The following NAP1L1 variants were observed in gnomAD, a reference collection of about 807,000 sequenced individuals.
NAP1L1 encodes the protein nucleosome assembly protein 1-like 1.
NAP1L1 carries 9 observed loss-of-function variants against 58.9 expected under a neutral mutation model. The ratio of observed to expected loss-of-function variants is 0.15; its 90% confidence interval spans 0.09 to 0.27. The LOEUF is 0.27. Among genes scored for constraint, NAP1L1 ranks in the 10% least tolerant of loss-of-function variants. NAP1L1 has a pLI of 1.00. For missense variants in NAP1L1, 302 were observed against 458.8 expected (o/e 0.66, Z 3.12); for synonymous variants, 130 against 138.3 (o/e 0.94, Z 0.42).
In NAP1L1 at chr12:76,078,662, T is replaced by C. The variant is rs73133159; in HGVS notation, c.-20-4423A>G. Among the ~76,000 whole-genome samples the C allele has an allele frequency of 9.6e-3, 1,463 of 152,184 alleles. 13 individuals carry two copies. Among genetic ancestry groups the C allele is most frequent in the Non-Finnish European group, 0.015 (1,010 of 67,996 alleles). On this transcript the variant is annotated intron_variant, in intron 1 of 14. Transcript: ENST00000618691. ...AAACTAGAACTTCTAGAAATAAAAC[T>C]AATGAATCAAACTAAATGGGCTGGC... is the stretch of plus-strand genomic sequence containing the variant.
chr12:76,049,241 C>T lies in NAP1L1; in HGVS notation c.1099G>A (p.Glu367Lys). The change falls in exon 14 of 15, where the codon GAA becomes AAA. Residue 367 changes from glutamate (E) to lysine (K), a missense_variant. Coordinates refer to ENST00000618691, the MANE Select transcript of NAP1L1 (RefSeq NM_004537.7). The part of the protein sequence containing the change: ...EGEEADEEGE[E>K]EGDEENDPDY... ...GGATCATTTTCCTCATCTCCTTCTTCTTCCCCTTCCTATATTAAAGTTCAA... is the reference window on the plus strand; with the variant it reads ...GGATCATTTTCCTCATCTCCTTCTTTTTCCCCTTCCTATATTAAAGTTCAA... 1 of 1,613,574 alleles carries T rather than the reference C, an allele frequency of 6.2e-7. No homozygotes were observed. The highest frequency in any genetic ancestry group is 8.5e-7 in the Non-Finnish European group (1 of 1,179,744).
At chr12:76,052,648 T>C (rs1487775416) in intron 11 of NAP1L1, among the ~76,000 whole-genome samples, 2 of 152,248 alleles carry the variant, frequency 1.3e-5, no homozygotes, top group Non-Finnish European at 2.9e-5. Flanking sequence ...GTTCAGTCTA[T>C]ATGGCAGGAA....
In NAP1L1 at chr12:76,048,163, C is replaced by G; in HGVS notation, c.*266G>C. The G allele has an allele frequency of 2.4e-6, 1 of 417,448 alleles. No individual in the cohort carries two copies. Among genetic ancestry groups the G allele is most frequent in the Non-Finnish European group, 4.2e-6 (1 of 236,102 alleles). 25.9% of individuals were successfully genotyped at this position (417,448 alleles called of 1,614,324 possible). On this transcript the variant is annotated 3_prime_UTR_variant, in exon 15 of 15. Coordinates refer to ENST00000618691, the MANE Select transcript of NAP1L1 (RefSeq NM_004537.7). ...AATTTTCATAGCTGTACTCCAAGAGCTACATAAAAATATTCCAGAAGAACC... is the reference window on the plus strand; with the variant it reads ...AATTTTCATAGCTGTACTCCAAGAGGTACATAAAAATATTCCAGAAGAACC...
Position 76,041,401 on chromosome 12 carries a change from T to G in NAP1L1, c.*7028A>C, listed in dbSNP as rs539002132. On this transcript the variant is annotated 3_prime_UTR_variant, in exon 15 of 15. Transcript: ENST00000618691. ...GTACTGATGAAAAGGAGATCCTATG[T>G]TGAACTAGTAAAACACATGCACAAA... 3 of 152,222 alleles carry G rather than the reference T, an allele frequency of 2.0e-5. No homozygotes were observed. The highest frequency in any genetic ancestry group is 2.0e-4 in the Admixed American group (3 of 15,286). The allele number at this position is 152,222 out of a possible 1,614,324, so 9.4% of individuals were successfully genotyped here. A position where few individuals can be genotyped will look rare whatever the true frequency, so the allele number is the denominator to read the frequency against.
chr12:76,077,230 A>T (rs1384330671), intron 1 of NAP1L1, among the ~76,000 whole-genome samples: 2 of 152,250 alleles, frequency 1.3e-5, no homozygotes, highest in African/African-American at 4.8e-5. Flanking sequence ...GAACATTTAC[A>T]GAACATTAAC....
chr12:76,044,826 A>G lies in NAP1L1; in HGVS notation c.*3603T>C, dbSNP rs1159905269. On this transcript the variant is annotated 3_prime_UTR_variant, in exon 15 of 15. Transcript: ENST00000618691. ...TTATCCTTGAGTAAAATAATTTCAT[A>G]TACCAACAAGGATGTTTCCATTTCT... 1 of 152,348 alleles carries G rather than the reference A, an allele frequency of 6.6e-6. No homozygotes were observed. The highest frequency in any genetic ancestry group is 1.9e-4 in the East Asian group (1 of 5,192). The allele number at this position is 152,348 out of a possible 1,614,324, so 9.4% of individuals were successfully genotyped here.
At chr12:76,083,463 C>CT (rs34622188) in intron 1 of NAP1L1, among the ~76,000 whole-genome samples, 17,551 of 86,002 alleles carry the variant, frequency 0.2, 1,660 homozygotes, top group Middle Eastern at 0.35. Context: ...AGCTGATGAG[C>CT]TTTTTTTTCC....
At position 76,067,433 on chromosome 12, in the gene NAP1L1, A is replaced by G; in HGVS notation, c.144T>C (p.Ile48=). 4 of 1,609,202 alleles carry G rather than the reference A, an allele frequency of 2.5e-6. No individual in the cohort carries two copies. The highest frequency in any genetic ancestry group is 3.4e-6 in the Non-Finnish European group (4 of 1,177,004). ...LTVQMMQNPQ[I]LAALQERLDG... ...CAAGTCTTTCTTGAAGGGCTGCAAG[A>G]ATCTGAGGATTTTGCATCATCTGAA... The change falls in exon 4 of 15, where the codon ATT becomes ATC. Residue 48 remains isoleucine (I), a synonymous_variant. Transcript: ENST00000618691.
chr12:76,045,914 C>A lies in NAP1L1; in HGVS notation c.*2515G>T, dbSNP rs967683514. 6.6e-6 allele frequency: 1 copy of A among 151,856 alleles called. No individual in the cohort carries two copies. The highest frequency in any genetic ancestry group is 2.4e-5 in the African/African-American group (1 of 41,404). 9.4% of individuals were successfully genotyped at this position (151,856 alleles called of 1,614,324 possible). ...GGAAACTACAATCAGAGTGTAAAGACAAATCTCAAAAATGTTTGTAGATAA... is the reference window on the plus strand; with the variant it reads ...GGAAACTACAATCAGAGTGTAAAGAAAAATCTCAAAAATGTTTGTAGATAA... On this transcript the variant is annotated 3_prime_UTR_variant, in exon 15 of 15. Transcript: ENST00000618691.
At chr12:76,067,276 A>C (rs1302420242) in intron 4 of NAP1L1, 95 bp downstream of exon 4, 1 of 922,364 alleles carries the variant, frequency 1.1e-6, no homozygotes, top group Non-Finnish European at 1.7e-6. Flanking sequence ...ATAGGTTTCC[A>C]CTATTGCATA....
chr12:76,062,266 C>T (rs1271907712), intron 4 of NAP1L1, among the ~76,000 whole-genome samples: 2 of 152,122 alleles, frequency 1.3e-5, no homozygotes, highest in East Asian at 1.9e-4. Flanking sequence ...ACAAAGCACA[C>T]CATAAAAATT....
At chr12:76,065,538 A>T (rs1949622035) in intron 4 of NAP1L1, among the ~76,000 whole-genome samples, 1 of 152,018 alleles carries the variant, frequency 6.6e-6, no homozygotes, top group Non-Finnish European at 1.5e-5. Flanking sequence ...AACTTAAAAA[A>T]AAAAAAAACA....
At position 76,042,906 on chromosome 12, in the gene NAP1L1, G is replaced by A. The variant is rs890315403; in HGVS notation, c.*5523C>T. Reference sequence around the variant, plus strand: ...TGTTGATCAGAGTAAAGAATATACCGGAATTCTTTCAACTATTTTCAGAGT... The same window carrying A: ...TGTTGATCAGAGTAAAGAATATACCAGAATTCTTTCAACTATTTTCAGAGT... On this transcript the variant is annotated 3_prime_UTR_variant, in exon 15 of 15. Coordinates refer to ENST00000618691, the MANE Select transcript of NAP1L1 (RefSeq NM_004537.7). 5.3e-5 allele frequency: 8 copies of A among 152,080 alleles called. No homozygotes were observed. The highest frequency in any genetic ancestry group is 1.2e-4 in the Non-Finnish European group (8 of 68,036). The allele number at this position is 152,080 out of a possible 1,614,324, so 9.4% of individuals were successfully genotyped here. A position where few individuals can be genotyped will look rare whatever the true frequency, so the allele number is the denominator to read the frequency against.
At chr12:76,062,470 G>A (rs1949462041) in intron 4 of NAP1L1, among the ~76,000 whole-genome samples, 1 of 152,136 alleles carries the variant, frequency 6.6e-6, no homozygotes, top group Admixed American at 6.5e-5. Flanking sequence ...ATGAAAGAGT[G>A]AATGAAATGA....
At chr12:76,052,713 G>C (rs527435315) in intron 11 of NAP1L1, among the ~76,000 whole-genome samples, 1 of 152,214 alleles carries the variant, frequency 6.6e-6, no homozygotes, top group South Asian at 2.1e-4. Flanking sequence ...GTCACAATAT[G>C]AAACCATATT....
chr12:76,056,410 GT>G, intron 6 of NAP1L1: 1 of 394,550 alleles, frequency 2.5e-6, no homozygotes, highest in South Asian at 2.5e-5. Context: ...AAAAAAAAAT[GT>G]AAAAACTAAT....
chr12:76,072,489 T>A (rs1310989428), intron 2 of NAP1L1, among the ~76,000 whole-genome samples: 1 of 151,696 alleles, frequency 6.6e-6, no homozygotes, highest in Non-Finnish European at 1.5e-5. Context: ...TAATAGTAGC[T>A]CCAGAAAGAG....
intron 2 of NAP1L1, 120 bp downstream of exon 2, chr12:76,074,083 G>T: frequency 1.2e-6 from 1 of 834,948 alleles, no homozygotes; most frequent in Non-Finnish European, 2.0e-6. Flanking sequence ...TTTTGTAAAA[G>T]TAGGTACTAA....
chr12:76,068,852 C>A, intron 3 of NAP1L1, 57 bp downstream of exon 3: 1 of 1,278,002 alleles, frequency 7.8e-7, no homozygotes, highest in South Asian at 1.2e-5. Context: ...CTTATAACTA[C>A]CCTCTAGTAG....
Sources: allele counts gnomAD v4.1 joint callset (sites outside exome capture counted in the v4.1 genomes callset), GRCh38; gene constraint gnomAD v4.1.1; transcripts MANE v1.5; gene names NCBI Gene and HGNC (gene_info 2026-07-23, HGNC 2026-07-21).